AP3S1: variants seen among roughly 807,000 people sequenced by gnomAD.
AP3S1 encodes the protein AP-3 complex subunit sigma-1.
Under a neutral mutation model 21.3 loss-of-function variants are expected in AP3S1, and 12 were observed. The observed-to-expected ratio is 0.56, with a 90% CI of 0.36 to 0.91. The LOEUF (loss-of-function observed/expected upper bound fraction) is 0.91. AP3S1 is among the 40% of genes least tolerant of loss of function. The pLI, the probability that AP3S1 is intolerant of heterozygous loss-of-function variation, is 0.01. For synonymous variants in AP3S1, 48 were observed against 78.4 expected (o/e 0.61, Z 2.05); for missense variants, 116 against 225.0 (o/e 0.52, Z 3.10).
chr5:115,842,052 C>T lies in AP3S1; in HGVS notation c.15C>T (p.Ile5=), dbSNP rs1257443614. 9 of 1,592,668 alleles carry T rather than the reference C, an allele frequency of 5.7e-6. No homozygotes were observed. The Admixed American group carries it at 1.4e-4, about 25-fold the overall frequency. The change falls in exon 1 of 6, where the codon ATC becomes ATT. Residue 5 remains isoleucine, a synonymous_variant. Coordinates refer to ENST00000316788, the MANE Select transcript of AP3S1 (RefSeq NM_001284.4). MIKA[I]LIFNNHGKPR... Reference sequence around the variant, plus strand: ...CCGGCACAGCCATGATCAAGGCGATCCTAATCTTCAACAACCACGGGAAGC... The same window carrying T: ...CCGGCACAGCCATGATCAAGGCGATTCTAATCTTCAACAACCACGGGAAGC...
chr5:115,865,122 C>T (rs1357794209), intron 1 of AP3S1, among the ~76,000 whole-genome samples: 7 of 152,070 alleles, frequency 4.6e-5, no homozygotes, highest in African/African-American at 9.6e-5. Context: ...TCCACCTTTT[C>T]TGCCTTTGCC....
chr5:115,843,202 G>A (rs1761774441), intron 1 of AP3S1, among the ~76,000 whole-genome samples: 1 of 152,218 alleles, frequency 6.6e-6, no homozygotes, highest in African/African-American at 2.4e-5. Flanking sequence ...TTTGCTTATA[G>A]CAAGAAATGA....
At chr5:115,894,481 G>T (rs1415062032) in intron 3 of AP3S1, among the ~76,000 whole-genome samples, 1 of 152,200 alleles carries the variant, frequency 6.6e-6, no homozygotes, top group Non-Finnish European at 1.5e-5. Context: ...GTTCTCAGGA[G>T]CTGGCCAAGG....
Position 115,871,782 on chromosome 5 carries a change from C to T in AP3S1, c.273+1654C>T, listed in dbSNP as rs114472839. On this transcript the variant is annotated intron_variant, in intron 3 of 5. Coordinates refer to ENST00000316788, the MANE Select transcript of AP3S1 (RefSeq NM_001284.4). ...GCTACGCAAGAATCATTTTCTGTTTCCCCGGTCCATTTACTCTCCCATACC... is the reference window on the plus strand; with the variant it reads ...GCTACGCAAGAATCATTTTCTGTTTTCCCGGTCCATTTACTCTCCCATACC... Among the ~76,000 whole-genome samples, 961 of 152,206 alleles carry T rather than the reference C, an allele frequency of 6.3e-3. 13 individuals are homozygous for T. The highest frequency in any genetic ancestry group is 0.022 in the African/African-American group (905 of 41,532).
intron 5 of AP3S1, among the ~76,000 whole-genome samples, chr5:115,905,869 GT>G (rs1751605011): frequency 6.6e-6 from 1 of 152,152 alleles, no homozygotes. Context: ...TTAATGACTT[GT>G]TTGGCTGGGC....
intron 4 of AP3S1, among the ~76,000 whole-genome samples, chr5:115,902,610 GC>G (rs1751308735): frequency 6.6e-6 from 1 of 152,066 alleles, no homozygotes; most frequent in Non-Finnish European, 1.5e-5. Flanking sequence ...TTTGAGTACT[GC>G]ATTGGATTAC....
chr5:115,885,174 T>C (rs973377749), intron 3 of AP3S1, among the ~76,000 whole-genome samples: 3 of 152,188 alleles, frequency 2.0e-5, no homozygotes, highest in Non-Finnish European at 4.4e-5. Flanking sequence ...TATTAGTCAG[T>C]GTTCTCCAGA....
chr5:115,892,055 T>C (rs962708179), intron 3 of AP3S1, among the ~76,000 whole-genome samples: 2 of 152,214 alleles, frequency 1.3e-5, no homozygotes, highest in Admixed American at 6.5e-5. Context: ...AACAGGCATA[T>C]GAAAAGGTGT....
chr5:115,859,478 T>G (rs1284821873), intron 1 of AP3S1, among the ~76,000 whole-genome samples: 1 of 152,232 alleles, frequency 6.6e-6, no homozygotes, highest in Non-Finnish European at 1.5e-5. Context: ...TAGCATTTGC[T>G]GATCTTTATG....
intron 1 of AP3S1, among the ~76,000 whole-genome samples, chr5:115,846,788 G>A (rs764969623): frequency 2.6e-5 from 4 of 151,934 alleles, no homozygotes; most frequent in Admixed American, 6.6e-5. Context: ...ACTAACACAC[G>A]GCATTTCAGC....
chr5:115,900,609 T>A (rs922541885), intron 4 of AP3S1, among the ~76,000 whole-genome samples: 5 of 152,200 alleles, frequency 3.3e-5, no homozygotes, highest in African/African-American at 1.2e-4. Context: ...TGCTCATTGT[T>A]TTATGGCCTT....
intron 3 of AP3S1, among the ~76,000 whole-genome samples, chr5:115,871,637 G>A (rs558437115): frequency 1.4e-4 from 21 of 151,776 alleles, no homozygotes; most frequent in African/African-American, 5.1e-4. Flanking sequence ...ATAGCCTTGT[G>A]TACACTGAAC....
chr5:115,895,100 C>T lies in AP3S1; in HGVS notation c.287C>T (p.Thr96Ile). Residue 96 changes from threonine to isoleucine, a missense_variant, in exon 4 of 6, where the codon ACA becomes ATA. By Grantham distance (89) the Thr-to-Ile change is moderately conservative. Transcript: ENST00000316788. ...ILDLIQVFVE[T>I]LDKCFENVCE... ...CTTTTTCCATAGGTATTTGTGGAAA[C>T]ATTAGACAAATGTTTTGAAAATGTC... The T allele has an allele frequency of 1.9e-6, 3 of 1,603,124 alleles. No individual in the cohort carries two copies. Among genetic ancestry groups the T allele is most frequent in the Non-Finnish European group, 1.7e-6 (2 of 1,174,496 alleles).
At chr5:115,866,630 A>G (rs1763640655) in intron 1 of AP3S1, 40 bp from the exon 2 acceptor site, 12 of 1,399,408 alleles carry the variant, frequency 8.6e-6, no homozygotes, top group South Asian at 2.7e-5. Context: ...TATTAAACCT[A>G]TACACTCCAT....
chr5:115,891,678 G>A (rs987513532), intron 3 of AP3S1, among the ~76,000 whole-genome samples: 3 of 152,160 alleles, frequency 2.0e-5, no homozygotes, highest in Admixed American at 2.0e-4. Flanking sequence ...TCCGTACTGG[G>A]GCACTGCCTC....
intron 4 of AP3S1, among the ~76,000 whole-genome samples, chr5:115,898,348 C>G (rs191018922): frequency 1.3e-5 from 2 of 152,268 alleles, no homozygotes; most frequent in Admixed American, 1.3e-4. Flanking sequence ...GTGGTTGTTA[C>G]TAGTTTCTTT....
intron 1 of AP3S1, among the ~76,000 whole-genome samples, chr5:115,855,193 T>C (rs967508320): frequency 6.6e-6 from 1 of 151,970 alleles, no homozygotes; most frequent in African/African-American, 2.4e-5. Flanking sequence ...TACACCACCA[T>C]GCCTCACCAC....
At chr5:115,907,459 T>G (rs1580749910) in intron 5 of AP3S1, among the ~76,000 whole-genome samples, 1 of 152,266 alleles carries the variant, frequency 6.6e-6, no homozygotes, top group Non-Finnish European at 1.5e-5. Context: ...CTTTTACAGT[T>G]TTGACCTGCA....
chr5:115,849,320 G>T (rs1315250417), intron 1 of AP3S1, among the ~76,000 whole-genome samples: 1 of 152,138 alleles, frequency 6.6e-6, no homozygotes, highest in Non-Finnish European at 1.5e-5. Flanking sequence ...CCTCTTTGAC[G>T]ACCTGACATT....
Sources: gnomAD v4.1 joint callset for allele counts (sites outside exome capture counted in the v4.1 genomes callset) on GRCh38, gnomAD v4.1.1 for gene constraint, MANE v1.5 for transcripts, NCBI Gene and HGNC (gene_info 2026-07-23, HGNC 2026-07-21) for gene names.